The following UBE2F variants were observed in gnomAD, a reference collection of about 807,000 sequenced individuals.
The protein encoded by UBE2F is ubiquitin conjugating enzyme E2 F (putative).
In UBE2F, 5 loss-of-function variants were observed where a neutral mutation model predicts 29.6. The ratio of observed to expected loss-of-function variants is 0.17; its 90% confidence interval spans 0.09 to 0.36. The LOEUF is 0.36. Among genes scored for constraint, UBE2F ranks in the 10% least tolerant of loss-of-function variants. The pLI is 1.00. For missense variants in UBE2F, 141 were observed against 228.5 expected, an observed-to-expected ratio of 0.62 and a Z score of 2.47; for synonymous variants, 66 against 81.8, an observed-to-expected ratio of 0.81 and a Z score of 1.04.
At chr2:237,993,895 A>G (rs948247442) in intron 3 of UBE2F, among the ~76,000 whole-genome samples, 23 of 152,134 alleles carry the variant, frequency 1.5e-4, no homozygotes, top group African/African-American at 5.6e-4. Flanking sequence ...CTTCTCTCCC[A>G]GGGGAACACT....
rs988812505 is a variant in UBE2F at position 238,017,944 on chromosome 2, C to A, written c.282+1311C>A. On this transcript the variant is annotated intron_variant, in intron 5 of 9. Coordinates refer to ENST00000272930, the MANE Select transcript of UBE2F (RefSeq NM_080678.3). ...CTGCAACACTTGTTTTAGAAGCAAA[C>A]CTTCATCTATGGAAATTGACTTTTT... Among the ~76,000 whole-genome samples, 3 of 152,144 alleles carry A rather than the reference C, an allele frequency of 2.0e-5. No individual in the cohort carries two copies. The East Asian group carries it at 5.8e-4, about 29-fold the overall frequency.
chr2:237,971,158 C>G (rs944938866), intron 1 of UBE2F, among the ~76,000 whole-genome samples: 1 of 152,186 alleles, frequency 6.6e-6, no homozygotes, highest in Admixed American at 6.5e-5. Flanking sequence ...TCTTATTTGA[C>G]TTTCAGGATC....
At chr2:238,018,321 T>C (rs1224607489) in intron 5 of UBE2F, among the ~76,000 whole-genome samples, 1 of 152,224 alleles carries the variant, frequency 6.6e-6, no homozygotes, top group East Asian at 1.9e-4. Flanking sequence ...CCGTTCTGGA[T>C]GTCATAGCAG....
At chr2:238,037,834 C>A (rs2064751558) in intron 9 of UBE2F, among the ~76,000 whole-genome samples, 1 of 152,126 alleles carries the variant, frequency 6.6e-6, no homozygotes, top group South Asian at 2.1e-4. Context: ...GTCTCAAACT[C>A]CTGGCCTCAA....
rs889808012 is a variant in UBE2F, at chr2:238,029,947, C to A, written c.354-609C>A. Among the ~76,000 whole-genome samples the A allele has an allele frequency of 6.1e-5, 8 of 130,878 alleles. No individual in the cohort carries two copies. The South Asian group carries it at 9.8e-4, about 16-fold the overall frequency. The allele number at this position is 130,878 out of a possible 152,430, so 85.9% of individuals were successfully genotyped here. A position where few individuals can be genotyped will look rare whatever the true frequency, so the allele number is the denominator to read the frequency against. On this transcript the variant is annotated intron_variant, in intron 6 of 9. Transcript: ENST00000272930. ...GTTGCCATTGTCATTTTCTTTCTTT[C>A]TTTCTTTTTTTTTTTTTGAGACAGG...
chr2:237,978,877 C>A (rs1263176988), intron 2 of UBE2F, among the ~76,000 whole-genome samples: 2 of 152,144 alleles, frequency 1.3e-5, no homozygotes. Flanking sequence ...GGGTCTGAGT[C>A]CATGGTGCTC....
At chr2:238,004,426 G>A (rs1415417719) in intron 4 of UBE2F, among the ~76,000 whole-genome samples, 2 of 151,122 alleles carry the variant, frequency 1.3e-5, no homozygotes, top group African/African-American at 2.4e-5. Context: ...TTCTTATTGT[G>A]GGATTTTAAG....
chr2:238,019,387 C>CT (rs1236502760), intron 5 of UBE2F, among the ~76,000 whole-genome samples: 1 of 151,648 alleles, frequency 6.6e-6, no homozygotes, highest in Admixed American at 6.6e-5. Flanking sequence ...TCCCCCCTGC[C>CT]TTTTTTTTGA....
chr2:238,037,999 C>G (rs2064755093), intron 9 of UBE2F, among the ~76,000 whole-genome samples: 1 of 152,134 alleles, frequency 6.6e-6, no homozygotes, highest in African/African-American at 2.4e-5. Flanking sequence ...TACTGTGTGC[C>G]GCGACCAAGT....
intron 4 of UBE2F, among the ~76,000 whole-genome samples, chr2:237,996,270 T>G (rs1325816705): frequency 6.6e-6 from 1 of 152,182 alleles, no homozygotes; most frequent in African/African-American, 2.4e-5. Flanking sequence ...GACTTGTGTG[T>G]TTATAGTAAA....
rs78418216 is a variant in UBE2F, at chr2:237,993,377, C to T, written c.149-1367C>T. Among the ~76,000 whole-genome samples, 625 of 152,214 alleles carry T rather than the reference C, an allele frequency of 4.1e-3. 5 individuals carry two copies. The highest frequency in any genetic ancestry group is 0.014 in the African/African-American group (596 of 41,528). Reference sequence around the variant, plus strand: ...AGTAGAAATTTGACCTGGGTTTTTCCTGGTTTTTCCATGTTTAGTTCACCA... The same window carrying T: ...AGTAGAAATTTGACCTGGGTTTTTCTTGGTTTTTCCATGTTTAGTTCACCA... On this transcript the variant is annotated intron_variant, in intron 3 of 9. Transcript: ENST00000272930.
chr2:238,030,330 A>G (rs981717568), intron 6 of UBE2F, among the ~76,000 whole-genome samples: 3 of 152,234 alleles, frequency 2.0e-5, no homozygotes, highest in Non-Finnish European at 4.4e-5. Flanking sequence ...GTCAAGTATT[A>G]CAACAAATAG....
chr2:237,983,605 A>C (rs991961649), intron 2 of UBE2F, among the ~76,000 whole-genome samples: 1 of 152,122 alleles, frequency 6.6e-6, no homozygotes, highest in Non-Finnish European at 1.5e-5. Flanking sequence ...CTTTGTGAGC[A>C]TTCTGGCCTC....
At chr2:238,038,211 G>A (rs1031701885) in intron 9 of UBE2F, among the ~76,000 whole-genome samples, 3 of 152,220 alleles carry the variant, frequency 2.0e-5, no homozygotes, top group African/African-American at 7.2e-5. Context: ...GCAACCAGGC[G>A]GGCAGAGCAG....
At chr2:238,023,952 G>A (rs1287259665) in intron 5 of UBE2F, among the ~76,000 whole-genome samples, 1 of 152,178 alleles carries the variant, frequency 6.6e-6, no homozygotes, top group African/African-American at 2.4e-5. Flanking sequence ...ATAGAGCAGG[G>A]TTGGGAGAAG....
chr2:237,979,928 G>A (rs1247886456), intron 2 of UBE2F, among the ~76,000 whole-genome samples: 3 of 152,206 alleles, frequency 2.0e-5, no homozygotes, highest in Non-Finnish European at 4.4e-5. Context: ...GAGCACTGTG[G>A]GCCTGCACTC....
intron 2 of UBE2F, among the ~76,000 whole-genome samples, chr2:237,976,514 T>C (rs1028084679): frequency 2.0e-5 from 3 of 152,224 alleles, no homozygotes; most frequent in Admixed American, 6.5e-5. Flanking sequence ...TTTTGGAGGC[T>C]GGGAAGTCCA....
intron 5 of UBE2F, among the ~76,000 whole-genome samples, chr2:238,017,699 A>G (rs1051086862): frequency 1.3e-5 from 2 of 152,110 alleles, no homozygotes; most frequent in Non-Finnish European, 2.9e-5. Context: ...TGCACCATGG[A>G]TATGTATTCC....
chr2:238,004,935 T>G (rs1434871774), intron 4 of UBE2F, among the ~76,000 whole-genome samples: 1 of 152,196 alleles, frequency 6.6e-6, no homozygotes, highest in East Asian at 1.9e-4. Flanking sequence ...GCTGGCAGCT[T>G]CTGACCGCTG....
Sources: gnomAD v4.1 joint callset for allele counts (sites outside exome capture counted in the v4.1 genomes callset) on GRCh38, gnomAD v4.1.1 for gene constraint, MANE v1.5 for transcripts, NCBI Gene and HGNC (gene_info 2026-07-23, HGNC 2026-07-21) for gene names.